TMLHE: variants seen among roughly 807,000 people sequenced by gnomAD.
TMLHE encodes the protein trimethyllysine hydroxylase, epsilon, also known as trimethyllysine dioxygenase, mitochondrial.
Under a neutral mutation model 25.7 loss-of-function variants are expected in TMLHE, and 18 were observed. That is an observed-to-expected ratio of 0.70 (90% CI 0.48 to 1.04). The LOEUF is 1.04. Among genes scored for constraint, TMLHE ranks in the 50% least tolerant of loss-of-function variants. The pLI is 0.00. For synonymous variants in TMLHE, 105 were observed against 97.0 expected (o/e 1.08, Z -0.49); for missense variants, 236 against 259.0 (o/e 0.91, Z 0.61).
At chrX:155,538,615 T>C (rs1458338019) in intron 2 of TMLHE, among the ~76,000 whole-genome samples, 1 of 111,681 alleles carries the variant, frequency 9.0e-6, no homozygotes, top group African/African-American at 3.3e-5. Context: ...TCAAAGAAAA[T>C]GTAGAAGCAA....
intron 1 of TMLHE, among the ~76,000 whole-genome samples, chrX:155,601,984 A>G (rs935608728): frequency 9.0e-6 from 1 of 111,427 alleles, no homozygotes; most frequent in Non-Finnish European, 1.9e-5. Context: ...ATTCATCAGG[A>G]AGATATGTAA....
At position 155,524,612 on chromosome X, in the gene TMLHE, C is replaced by T. The variant is rs146917708; in HGVS notation, c.202G>A (p.Val68Met). 54 of 1,195,389 alleles carry T rather than the reference C, an allele frequency of 4.5e-5. No homozygotes were observed. Among genetic ancestry groups the T allele is most frequent in the Middle Eastern group, 2.3e-4 (1 of 4,280 alleles). Reference sequence around the variant, plus strand: ...AGCCAGACGTAATCAAAGCGCATCACGGTATTAGCATATTTCAGCTCTAGG... The same window carrying T: ...AGCCAGACGTAATCAAAGCGCATCATGGTATTAGCATATTTCAGCTCTAGG... ...DHFELKYANTVMRFDYVWLRD... is the reference protein window; with the variant it reads ...DHFELKYANTMMRFDYVWLRD... The change falls in exon 3 of 8, where the codon GTG (valine) becomes ATG (methionine). Residue 68 changes from valine (V) to methionine (M), a missense_variant. By Grantham distance (21) the Val-to-Met change is conservative. This residue lies in a region of TMLHE where 217 missense variants were observed against 214.6 expected (regional missense o/e 1.01). Coordinates refer to ENST00000334398, the MANE Select transcript of TMLHE (RefSeq NM_018196.4).
At position 155,511,656 on chromosome X, in the gene TMLHE, A is replaced by G; in HGVS notation, c.758+17T>C. 1 of 1,184,801 alleles carries G rather than the reference A, an allele frequency of 8.4e-7. No individual in the cohort carries two copies. The highest frequency in any genetic ancestry group is 1.1e-6 in the Non-Finnish European group (1 of 878,915). ...CACATATAAAGACTTTACACTGTAA[A>G]AGTCTAATCCACCTACCCACAGGGC... On this transcript the variant is annotated intron_variant, in intron 5 of 7. Transcript: ENST00000334398.
chrX:155,546,372 C>A (rs2067344875), intron 1 of TMLHE, among the ~76,000 whole-genome samples: 1 of 111,176 alleles, frequency 9.0e-6, no homozygotes, highest in African/African-American at 3.3e-5. Flanking sequence ...ATTAATTTGT[C>A]CTGTGGCAGA....
chrX:155,557,045 T>A (rs1175052944), intron 1 of TMLHE, among the ~76,000 whole-genome samples: 1 of 112,389 alleles, frequency 8.9e-6, no homozygotes, highest in Non-Finnish European at 1.9e-5. Context: ...GTTATCCTGT[T>A]CTTTTTTCAG....
chrX:155,538,609 A>G, intron 2 of TMLHE, among the ~76,000 whole-genome samples: 1 of 111,792 alleles, frequency 8.9e-6, no homozygotes, highest in Non-Finnish European at 1.9e-5. Context: ...CTTCCTTCAA[A>G]GAAAATGTAG....
intron 1 of TMLHE, among the ~76,000 whole-genome samples, chrX:155,610,253 A>G (rs2067810877): frequency 8.9e-6 from 1 of 112,277 alleles, no homozygotes; most frequent in Admixed American, 9.4e-5. Flanking sequence ...TAAACTTTGG[A>G]GACATTATTT....
At chrX:155,526,234 G>A (rs1557336444) in intron 2 of TMLHE, among the ~76,000 whole-genome samples, 1 of 112,934 alleles carries the variant, frequency 8.9e-6, no homozygotes, top group African/African-American at 3.2e-5. Flanking sequence ...GCAGCCTTGG[G>A]ACATGGCCCC....
intron 2 of TMLHE, among the ~76,000 whole-genome samples, chrX:155,537,213 G>A (rs1490749491): frequency 1.8e-5 from 2 of 112,004 alleles, no homozygotes; most frequent in Non-Finnish European, 3.8e-5. Flanking sequence ...CATCAGGAGA[G>A]CAAGACAAGG....
At chrX:155,551,177 G>A (rs2067412624) in intron 1 of TMLHE, among the ~76,000 whole-genome samples, 1 of 110,427 alleles carries the variant, frequency 9.1e-6, no homozygotes, top group Non-Finnish European at 1.9e-5. Flanking sequence ...ATATTCTAAT[G>A]TAACTGCATA....
At chrX:155,548,219 G>C (rs2067368471) in intron 1 of TMLHE, among the ~76,000 whole-genome samples, 1 of 111,829 alleles carries the variant, frequency 8.9e-6, no homozygotes, top group African/African-American at 3.3e-5. Flanking sequence ...CAAAAGCACA[G>C]GCAAGCTAAG....
At chrX:155,522,404 C>G (rs1163917541) in intron 3 of TMLHE, among the ~76,000 whole-genome samples, 1 of 111,750 alleles carries the variant, frequency 8.9e-6, no homozygotes, top group Non-Finnish European at 1.9e-5. Flanking sequence ...TGGGCTTATT[C>G]AGATTTAACC....
chrX:155,506,343 G>A (rs1468144907), intron 6 of TMLHE, among the ~76,000 whole-genome samples: 4 of 111,405 alleles, frequency 3.6e-5, no homozygotes, highest in African/African-American at 9.8e-5. Context: ...GTAATATAAG[G>A]GAGAGGGAAA....
At chrX:155,548,502 A>T (rs190894371) in intron 1 of TMLHE, among the ~76,000 whole-genome samples, 2 of 108,545 alleles carry the variant, frequency 1.8e-5, no homozygotes, top group African/African-American at 7.1e-5. Context: ...TTGGGAGGTC[A>T]AGGCGGGCGG....
At chrX:155,532,980 A>G (rs1413825876) in intron 2 of TMLHE, among the ~76,000 whole-genome samples, 1 of 111,765 alleles carries the variant, frequency 8.9e-6, no homozygotes, top group Non-Finnish European at 1.9e-5. Context: ...CTATATGTCA[A>G]TTTGACTGGA....
chrX:155,600,219 G>A (rs2067747989), intron 1 of TMLHE, among the ~76,000 whole-genome samples: 1 of 111,490 alleles, frequency 9.0e-6, no homozygotes, highest in African/African-American at 3.3e-5. Flanking sequence ...ATTACACTTT[G>A]TGGTATTATA....
intron 1 of TMLHE, among the ~76,000 whole-genome samples, chrX:155,546,400 T>A (rs782398816): frequency 8.1e-5 from 9 of 111,453 alleles, no homozygotes; most frequent in Non-Finnish European, 1.5e-4. Context: ...GAGAGCTATG[T>A]GATTGCAGAT....
At chrX:155,587,409 T>C (rs1225454399) in intron 1 of TMLHE, among the ~76,000 whole-genome samples, 1 of 111,505 alleles carries the variant, frequency 9.0e-6, no homozygotes, top group Admixed American at 9.5e-5. Context: ...GTTAACATCA[T>C]ACCAAATGGA....
At chrX:155,593,818 G>A (rs782543295) in intron 1 of TMLHE, among the ~76,000 whole-genome samples, 1 of 110,022 alleles carries the variant, frequency 9.1e-6, no homozygotes, top group Non-Finnish European at 1.9e-5. Context: ...GAATATATCA[G>A]CAGCAGGCTC....
Sources: gnomAD v4.1 joint callset for allele counts (sites outside exome capture counted in the v4.1 genomes callset) on GRCh38, gnomAD v4.1.1 for gene constraint, gnomAD v4.1.1 regional missense constraint, MANE v1.5 for transcripts, NCBI Gene and HGNC (gene_info 2026-07-23, HGNC 2026-07-21) for gene names.